Variants in ZSCAN25 observed in about 807,000 individuals in gnomAD.
ZSCAN25 encodes zinc finger and SCAN domain-containing protein 25.
Under a neutral mutation model 38.7 loss-of-function variants are expected in ZSCAN25, and 27 were observed. The observed-to-expected ratio is 0.70, with a 90% CI of 0.51 to 0.96. ZSCAN25 has a LOEUF of 0.96. ZSCAN25 is among the 40% of genes least tolerant of loss of function. The pLI, the probability that ZSCAN25 is intolerant of heterozygous loss-of-function variation, is 0.00. For synonymous variants in ZSCAN25, 273 were observed against 277.7 expected (o/e 0.98, Z 0.17); for missense variants, 637 against 705.9 (o/e 0.90, Z 1.11).
chr7:99,663,755 G>C, the ZSCAN25 span: 1 of 1,220,928 alleles, frequency 8.2e-7, no homozygotes, highest in South Asian at 2.6e-5. Context: ...ACTAATTGTT[G>C]TGCCTGATTT....
At chr7:99,702,939 T>G in the ZSCAN25 span, among the ~76,000 whole-genome samples, 1 of 152,226 alleles carries the variant, frequency 6.6e-6, no homozygotes, top group East Asian at 1.9e-4. Context: ...TTTTACAGTA[T>G]TCATTATAGA....
chr7:99,655,950 A>T, the ZSCAN25 span, among the ~76,000 whole-genome samples: 1 of 152,188 alleles, frequency 6.6e-6, no homozygotes, highest in African/African-American at 2.4e-5. Flanking sequence ...ACTTTGCTGA[A>T]GTTGTTTATC....
chr7:99,715,510 A>G, the ZSCAN25 span: 1 of 538,244 alleles, frequency 1.9e-6, no homozygotes, highest in Non-Finnish European at 3.2e-6. Context: ...AGATGCAGAA[A>G]GTTGACTAGT....
chr7:99,665,544 C>T, the ZSCAN25 span, among the ~76,000 whole-genome samples: 1 of 152,226 alleles, frequency 6.6e-6, no homozygotes, highest in East Asian at 1.9e-4. Context: ...GAGTTAGACT[C>T]ACCTCTGAGG....
chr7:99,624,751 G>A (rs779812025), intron 7 of ZSCAN25, among the ~76,000 whole-genome samples: 26 of 152,140 alleles, frequency 1.7e-4, no homozygotes, highest in Non-Finnish European at 3.1e-4. Flanking sequence ...GAGCCTGGGG[G>A]GATGCGGCCA....
chr7:99,649,604 G>A, the ZSCAN25 span, among the ~76,000 whole-genome samples: 1 of 152,152 alleles, frequency 6.6e-6, no homozygotes, highest in Non-Finnish European at 1.5e-5. Context: ...GTCACGCTCT[G>A]GGTTAATTAG....
the ZSCAN25 span, among the ~76,000 whole-genome samples, chr7:99,638,050 C>T: frequency 6.6e-6 from 1 of 152,152 alleles, no homozygotes; most frequent in African/African-American, 2.4e-5. Context: ...AGCATCCTAA[C>T]GCAAAGCCGA....
the ZSCAN25 span, chr7:99,707,929 T>C: frequency 1.2e-6 from 2 of 1,613,858 alleles, no homozygotes; most frequent in Non-Finnish European, 8.5e-7. Context: ...TTCCAAAGGG[T>C]GTGTATATGT....
chr7:99,663,821 CTTT>C, the ZSCAN25 span: 1 of 1,352,480 alleles, frequency 7.4e-7, no homozygotes, highest in Non-Finnish European at 9.5e-7. Context: ...CAATCTCCTT[CTTT>C]ATTTCTACCA....
intron 4 of ZSCAN25, 100 bp from the exon 5 acceptor site, chr7:99,621,273 A>C: frequency 9.2e-7 from 1 of 1,085,102 alleles, no homozygotes; most frequent in Non-Finnish European, 1.2e-6. Context: ...TGAAGCTGGA[A>C]TGGTTCTTTT....
chr7:99,664,106 A>G, the ZSCAN25 span: 10 of 1,551,822 alleles, frequency 6.4e-6, no homozygotes, highest in Non-Finnish European at 8.6e-6. Context: ...CTGTGGGAAA[A>G]ACAAAACAAA....
At chr7:99,672,510 T>A in the ZSCAN25 span, 1 of 1,338,862 alleles carries the variant, frequency 7.5e-7, no homozygotes, top group Non-Finnish European at 1.1e-6. Flanking sequence ...TGTGAATATA[T>A]GTTTTTTTCA....
rs1320943015 is a variant in ZSCAN25, at chr7:99,622,630, C to T, written c.671C>T (p.Ala224Val). 6.2e-7 allele frequency: 1 copy of T among 1,613,980 alleles called. No homozygotes were observed. The highest frequency in any genetic ancestry group is 1.3e-5 in the African/African-American group (1 of 74,926). ...GAGATGGCAGCTGGGTTCTTTACTG[C>T]TGGATCGCAGGTGAGCTCTGACTCC... ...DQEMAAGFFT[A>V]GSQGLGPFKD... is the part of the protein sequence containing the mutation. Residue 224 changes from alanine to valine, a missense_variant, in exon 6 of 8, where the codon GCT becomes GTT. Coordinates refer to ENST00000394152, the MANE Select transcript of ZSCAN25 (RefSeq NM_145115.3).
the ZSCAN25 span, among the ~76,000 whole-genome samples, chr7:99,708,212 T>A: frequency 6.6e-5 from 10 of 152,252 alleles, no homozygotes; most frequent in African/African-American, 2.2e-4. Context: ...ATAAATACTG[T>A]TGCAAAGTAT....
intron 6 of ZSCAN25, 146 bp from the exon 7 acceptor site, chr7:99,623,911 C>A: frequency 8.7e-7 from 1 of 1,143,150 alleles, no homozygotes; most frequent in Non-Finnish European, 1.2e-6. Flanking sequence ...CACAGAGGCT[C>A]ACAACTGCAG....
chr7:99,723,052 A>C, the ZSCAN25 span, among the ~76,000 whole-genome samples: 12 of 152,082 alleles, frequency 7.9e-5, no homozygotes, highest in African/African-American at 1.9e-4. Flanking sequence ...CTGTTTCTAC[A>C]TTTCAGGGGT....
At chr7:99,726,856 C>T in the ZSCAN25 span, among the ~76,000 whole-genome samples, 5 of 152,200 alleles carry the variant, frequency 3.3e-5, no homozygotes, top group Non-Finnish European at 5.9e-5. Context: ...CCATCCGTTA[C>T]GTACCTCAGC....
At chr7:99,701,092 G>A in the ZSCAN25 span, among the ~76,000 whole-genome samples, 1 of 152,196 alleles carries the variant, frequency 6.6e-6, no homozygotes, top group Non-Finnish European at 1.5e-5. Flanking sequence ...CATTCATCAT[G>A]TATTCTAATG....
chr7:99,714,626 T>C, the ZSCAN25 span: 1 of 1,613,406 alleles, frequency 6.2e-7, no homozygotes, highest in East Asian at 2.2e-5. Context: ...ATAACTTTTC[T>C]TGGAAACACA....
Sources: allele counts gnomAD v4.1 joint callset (sites outside exome capture counted in the v4.1 genomes callset), GRCh38; gene constraint gnomAD v4.1.1; transcripts MANE v1.5; gene names NCBI Gene and HGNC (gene_info 2026-07-23, HGNC 2026-07-21).